The following CDH13 variants were observed in gnomAD, a reference collection of about 807,000 sequenced individuals.
The protein encoded by CDH13 is cadherin 13.
A neutral mutation model predicts 63.8 loss-of-function variants in CDH13; 24 were observed. The observed-to-expected ratio is 0.38, with a 90% CI of 0.27 to 0.53. The LOEUF (loss-of-function observed/expected upper bound fraction) is 0.53. Ranked by LOEUF, CDH13 falls within the 20% of genes least tolerant of loss-of-function variation. The pLI, the probability that CDH13 is intolerant of heterozygous loss-of-function variation, is 0.85. For synonymous variants in CDH13, 503 were observed against 355.3 expected, an observed-to-expected ratio of 1.42 and a Z score of -4.67; for missense variants, 1,049 against 903.1, an observed-to-expected ratio of 1.16 and a Z score of -2.07.
intron 7 of CDH13, among the ~76,000 whole-genome samples, chr16:83,570,808 A>C (rs1401656905): frequency 7.4e-6 from 1 of 134,670 alleles, no homozygotes; most frequent in Non-Finnish European, 1.6e-5. Flanking sequence ...TTATAAATAT[A>C]TATATTTATA....
chr16:83,048,640 C>A (rs1024439733), intron 3 of CDH13, among the ~76,000 whole-genome samples: 1 of 152,116 alleles, frequency 6.6e-6, no homozygotes. Context: ...TCTCTGAGTA[C>A]CCCTAACTCC....
intron 8 of CDH13, among the ~76,000 whole-genome samples, chr16:83,626,219 G>A (rs781143433): frequency 3.9e-5 from 6 of 152,046 alleles, no homozygotes; most frequent in Non-Finnish European, 5.9e-5. Flanking sequence ...CGCGTGTGCC[G>A]GTTTCATCTT....
At chr16:83,634,774 C>T (rs994064278) in intron 8 of CDH13, among the ~76,000 whole-genome samples, 1 of 152,100 alleles carries the variant, frequency 6.6e-6, no homozygotes, top group Non-Finnish European at 1.5e-5. Context: ...ATAGCTGGTT[C>T]CTTTTGATTG....
chr16:82,781,231 A>G (rs1247826662), intron 1 of CDH13, among the ~76,000 whole-genome samples: 1 of 152,240 alleles, frequency 6.6e-6, no homozygotes, highest in Non-Finnish European at 1.5e-5. Context: ...TAGTTGCCAC[A>G]GGGAAACATT....
intron 6 of CDH13, among the ~76,000 whole-genome samples, chr16:83,385,119 C>G (rs1030056529): frequency 1.3e-5 from 2 of 152,148 alleles, no homozygotes; most frequent in African/African-American, 2.4e-5. Flanking sequence ...GATGCTTAGA[C>G]ATATATATTT....
At chr16:82,978,924 AG>A (rs1909890380) in intron 2 of CDH13, among the ~76,000 whole-genome samples, 1 of 152,122 alleles carries the variant, frequency 6.6e-6, no homozygotes, top group African/African-American at 2.4e-5. Context: ...AGACACTCAA[AG>A]CTAGCCATGA....
At chr16:82,710,552 AATATATATAT>A (rs1555537840) in intron 1 of CDH13, among the ~76,000 whole-genome samples, 43 of 63,782 alleles carry the variant, frequency 6.7e-4, no homozygotes, top group African/African-American at 2.4e-3. Context: ...AAAAAAAAAA[AATATATATAT>A]ATATATATAT....
intron 2 of CDH13, among the ~76,000 whole-genome samples, chr16:82,861,981 A>G (rs1225863233): frequency 6.6e-6 from 1 of 152,188 alleles, no homozygotes; most frequent in Non-Finnish European, 1.5e-5. Context: ...CCATTTGTCA[A>G]TGAAAAATAC....
chr16:82,995,018 A>C (rs1299632328), intron 2 of CDH13, among the ~76,000 whole-genome samples: 1 of 152,190 alleles, frequency 6.6e-6, no homozygotes, highest in East Asian at 1.9e-4. Context: ...TAGAATGCAT[A>C]ATGTTTACAA....
At chr16:83,461,066 A>G (rs2151524423) in intron 6 of CDH13, among the ~76,000 whole-genome samples, 1 of 151,984 alleles carries the variant, frequency 6.6e-6, no homozygotes, top group Non-Finnish European at 1.5e-5. Context: ...GAAAGGTAGC[A>G]GGCTAAGATC....
At chr16:83,033,629 C>T (rs889010413) in intron 3 of CDH13, among the ~76,000 whole-genome samples, 3 of 152,172 alleles carry the variant, frequency 2.0e-5, no homozygotes, top group Non-Finnish European at 4.4e-5. Flanking sequence ...CTTCCACAGG[C>T]ACATGCATGC....
intron 1 of CDH13, among the ~76,000 whole-genome samples, chr16:82,665,484 A>G (rs1370074785): frequency 6.6e-6 from 1 of 152,210 alleles, no homozygotes; most frequent in Non-Finnish European, 1.5e-5. Context: ...ATGGTTCAAT[A>G]TATGTTAAGT....
At chr16:83,677,102 T>C (rs867772970) in intron 9 of CDH13, among the ~76,000 whole-genome samples, 6 of 152,206 alleles carry the variant, frequency 3.9e-5, no homozygotes, top group African/African-American at 1.4e-4. Context: ...ATAGAAGCAG[T>C]ATGCCCTCAT....
intron 2 of CDH13, among the ~76,000 whole-genome samples, chr16:82,901,154 C>T (rs1211074015): frequency 1.3e-5 from 2 of 151,572 alleles, no homozygotes; most frequent in Non-Finnish European, 2.9e-5. Flanking sequence ...ATAAAAATGT[C>T]CGTACAGAAG....
intron 5 of CDH13, among the ~76,000 whole-genome samples, chr16:83,243,904 C>G (rs1006724142): frequency 7.9e-5 from 12 of 152,136 alleles, no homozygotes; most frequent in Admixed American, 3.3e-4. Flanking sequence ...AAAAGAGTAA[C>G]ATCACCATTT....
At chr16:82,714,641 C>T (rs915857226) in intron 1 of CDH13, among the ~76,000 whole-genome samples, 1 of 133,876 alleles carries the variant, frequency 7.5e-6, no homozygotes, top group Non-Finnish European at 1.5e-5. Context: ...TTAAACTGGG[C>T]AGGTGCTGGT....
intron 1 of CDH13, among the ~76,000 whole-genome samples, chr16:82,779,108 AC>A (rs1316643254): frequency 7.9e-5 from 12 of 152,326 alleles, no homozygotes; most frequent in Non-Finnish European, 1.6e-4. Context: ...TAATGAGTCC[AC>A]TGAAAACTAT....
At chr16:83,539,715 A>G (rs984372490) in intron 7 of CDH13, among the ~76,000 whole-genome samples, 2 of 152,220 alleles carry the variant, frequency 1.3e-5, no homozygotes, top group Non-Finnish European at 2.9e-5. Context: ...AATTATTCCC[A>G]TTTCATAGAT....
chr16:83,767,819 T>A (rs1223132303), intron 11 of CDH13, among the ~76,000 whole-genome samples: 1 of 152,122 alleles, frequency 6.6e-6, no homozygotes, highest in Non-Finnish European at 1.5e-5. Flanking sequence ...GACAGAAAAT[T>A]GATCAGTAGT....
Sources: gnomAD v4.1 joint callset for allele counts (sites outside exome capture counted in the v4.1 genomes callset) on GRCh38, gnomAD v4.1.1 for gene constraint, MANE v1.5 for transcripts, NCBI Gene and HGNC (gene_info 2026-07-23, HGNC 2026-07-21) for gene names.